ETS1: variants seen among roughly 807,000 people sequenced by gnomAD.
ETS1 encodes ETS proto-oncogene 1, transcription factor.
In ETS1, 15 loss-of-function variants were observed where a neutral mutation model predicts 58.6. That is an observed-to-expected ratio of 0.26 (90% CI 0.17 to 0.39). The LOEUF (loss-of-function observed/expected upper bound fraction) is 0.39, where lower values mean the gene tolerates loss of function less well. ETS1 is among the 10% of genes least tolerant of loss of function. The pLI is 1.00. For synonymous variants in ETS1, 214 were observed against 218.2 expected, an observed-to-expected ratio of 0.98 and a Z score of 0.17; for missense variants, 417 against 610.5, an observed-to-expected ratio of 0.68 and a Z score of 3.34.
intron 3 of ETS1, among the ~76,000 whole-genome samples, chr11:128,545,877 G>A (rs983643409): frequency 4.6e-5 from 7 of 152,190 alleles, no homozygotes. Context: ...TTTAAATTCA[G>A]AGTTTTTAAA....
At chr11:128,582,582 T>C (rs1346247428) in intron 1 of ETS1, among the ~76,000 whole-genome samples, 1 of 152,162 alleles carries the variant, frequency 6.6e-6, no homozygotes, top group Non-Finnish European at 1.5e-5. Context: ...GATAGCTAAA[T>C]CTCTCATCTC....
intron 3 of ETS1, among the ~76,000 whole-genome samples, chr11:128,507,753 G>A (rs1009097086): frequency 2.6e-5 from 4 of 152,190 alleles, no homozygotes; most frequent in African/African-American, 9.7e-5. Flanking sequence ...GGGCTGCCAG[G>A]TCTTCACTGA....
At chr11:128,491,977 G>T (rs1328792538) in intron 3 of ETS1, among the ~76,000 whole-genome samples, 1 of 152,178 alleles carries the variant, frequency 6.6e-6, no homozygotes, top group Non-Finnish European at 1.5e-5. Flanking sequence ...AAATACAGCT[G>T]AACGTAAACA....
rs1215113289 is a variant in ETS1 at position 128,549,064 on chromosome 11, A to C, written c.214+7227T>G. On this transcript the variant is annotated intron_variant, in intron 3 of 9. Transcript: ENST00000392668. The surrounding 1 kb of genome is among the most constrained non-coding windows in gnomAD (Gnocchi z 4.3). ...GGGAGGGGAGCGGGCCGCCTCCTCC[A>C]GCTGCAGGCTCCGGGCTGAGACCCC... is the stretch of plus-strand genomic sequence containing the variant. 1.3e-5 allele frequency among the ~76,000 whole-genome samples: 2 copies of C among 152,196 alleles called. No individual in the cohort carries two copies. Among genetic ancestry groups the C allele is most frequent in the Non-Finnish European group, 2.9e-5 (2 of 68,036 alleles).
At chr11:128,501,601 C>G (rs544708055) in intron 3 of ETS1, among the ~76,000 whole-genome samples, 1 of 152,192 alleles carries the variant, frequency 6.6e-6, no homozygotes, top group Non-Finnish European at 1.5e-5. Flanking sequence ...CTGTGTCTTT[C>G]TCTATTCTAA....
intron 3 of ETS1, chr11:128,504,986 C>G (rs1416660848): frequency 1.3e-5 from 2 of 152,204 alleles, no homozygotes; most frequent in African/African-American, 2.4e-5. Flanking sequence ...ATCCTTGTTG[C>G]ATACCAGGGA....
At chr11:128,491,314 T>A (rs1050611607) in intron 3 of ETS1, among the ~76,000 whole-genome samples, 1 of 152,362 alleles carries the variant, frequency 6.6e-6, no homozygotes, top group East Asian at 1.9e-4. Flanking sequence ...GAGCTAGCTA[T>A]CTGATTCTTG....
chr11:128,543,685 A>T (rs891586599), intron 3 of ETS1, among the ~76,000 whole-genome samples: 4 of 152,328 alleles, frequency 2.6e-5, no homozygotes, highest in Non-Finnish European at 2.9e-5. Context: ...TTCCTAAAGC[A>T]TTCCCTTAAG....
At chr11:128,525,997 AC>A (rs1863793872) in intron 3 of ETS1, 1 of 152,146 alleles carries the variant, frequency 6.6e-6, no homozygotes, top group African/African-American at 2.4e-5. Flanking sequence ...CTGTGACCTC[AC>A]CAAAGCCACT....
In ETS1 at chr11:128,573,075, C is replaced by T. The variant is rs764699994; in HGVS notation, c.56G>A (p.Arg19His). ...GCCACCACTCACCACCACTGCAGGA[C>T]GAGGCGCTGAGTAAGGGACGGGGCT... ...GSSPVPYSAP[R>H]PAVVRQGPSN... Residue 19 changes from arginine (R) to histidine (H), a missense_variant, in exon 2 of 10, where the codon CGT becomes CAT. Arg to His is a conservative substitution (Grantham distance 29). This residue lies in a region of ETS1 where 90 missense variants were observed against 90.3 expected (regional missense o/e 1.00). Coordinates refer to ENST00000392668, the MANE Select transcript of ETS1 (RefSeq NM_001143820.2). The T allele has an allele frequency of 1.8e-4, 294 of 1,604,446 alleles. 1 individual carries two copies. The Admixed American group carries it at 4.1e-3, about 22-fold the overall frequency.
chr11:128,576,812 C>T (rs1262828041), intron 1 of ETS1, among the ~76,000 whole-genome samples: 1 of 152,012 alleles, frequency 6.6e-6, no homozygotes, highest in Non-Finnish European at 1.5e-5. Flanking sequence ...CTCATGTTAC[C>T]CCCTCTGCTA....
At chr11:128,532,458 G>C (rs1863912351) in intron 3 of ETS1, among the ~76,000 whole-genome samples, 1 of 152,216 alleles carries the variant, frequency 6.6e-6, no homozygotes, top group African/African-American at 2.4e-5. Context: ...CTTCTCGCTA[G>C]TTGCCCGCTC....
intron 3 of ETS1, among the ~76,000 whole-genome samples, chr11:128,511,288 T>C (rs902685164): frequency 2.0e-5 from 3 of 152,230 alleles, no homozygotes; most frequent in African/African-American, 4.8e-5. Flanking sequence ...ATTGGACATC[T>C]ATTATTTTCA....
intron 3 of ETS1, among the ~76,000 whole-genome samples, chr11:128,548,964 C>T (rs1197844873): frequency 6.7e-6 from 1 of 149,392 alleles, no homozygotes; most frequent in Non-Finnish European, 1.5e-5. Flanking sequence ...TGGTGTTTTT[C>T]TTTTTGTGTG....
chr11:128,587,549 C>T lies in ETS1; in HGVS notation c.-76G>A, dbSNP rs1436416999. The T allele has an allele frequency of 1.3e-5, 2 of 152,388 alleles. No individual in the cohort carries two copies. Among genetic ancestry groups the T allele is most frequent in the East Asian group, 3.8e-4 (2 of 5,332 alleles). The allele number at this position is 152,388 out of a possible 1,614,324, so 9.4% of individuals were successfully genotyped here. A position where few individuals can be genotyped will look rare whatever the true frequency, so the allele number is the denominator to read the frequency against. ...GAGCTTCCCTCAAAGTCTGTGGTCT[C>T]TTTCCAACTACCTGCGGGAATCCTC... On this transcript the variant is annotated 5_prime_UTR_variant, in exon 1 of 10. Transcript: ENST00000392668.
intron 3 of ETS1, among the ~76,000 whole-genome samples, chr11:128,539,103 A>G (rs1321392092): frequency 6.6e-6 from 1 of 152,234 alleles, no homozygotes; most frequent in Non-Finnish European, 1.5e-5. Context: ...CTCATATAAG[A>G]AAAAACAGGA....
chr11:128,506,465 T>C (rs1480044560), intron 3 of ETS1, among the ~76,000 whole-genome samples: 1 of 151,748 alleles, frequency 6.6e-6, no homozygotes, highest in East Asian at 1.9e-4. Context: ...AGACGATGAG[T>C]GCTGGGATCA....
At chr11:128,511,685 T>TA (rs1863396434) in intron 3 of ETS1, among the ~76,000 whole-genome samples, 1 of 152,224 alleles carries the variant, frequency 6.6e-6, no homozygotes, top group Non-Finnish European at 1.5e-5. Context: ...TGTTGACACT[T>TA]TGATCTCAAG....
chr11:128,503,138 T>A (rs192156226), intron 3 of ETS1, among the ~76,000 whole-genome samples: 14 of 152,206 alleles, frequency 9.2e-5, no homozygotes, highest in Non-Finnish European at 1.8e-4. Context: ...AAAACCAACA[T>A]GTAAGGAGAT....
Sources: gnomAD v4.1 joint callset for allele counts (sites outside exome capture counted in the v4.1 genomes callset) on GRCh38, gnomAD v4.1.1 for gene constraint, gnomAD v4.1.1 regional missense constraint, Gnocchi (gnomAD v3.1) non-coding constraint, MANE v1.5 for transcripts, NCBI Gene and HGNC (gene_info 2026-07-23, HGNC 2026-07-21) for gene names.